The following CPLANE1 variants were observed in gnomAD, a reference collection of about 807,000 sequenced individuals.
The protein encoded by CPLANE1 is ciliogenesis and planar polarity effector 1.
Under a neutral mutation model 362.5 loss-of-function variants are expected in CPLANE1, and 263 were observed. The ratio of observed to expected loss-of-function variants is 0.73; its 90% CI spans 0.66 to 0.80. CPLANE1 has a LOEUF of 0.80. CPLANE1 is among the 30% of genes least tolerant of loss of function. The pLI is 0.00. For missense variants in CPLANE1, 3,461 were observed against 3,793.4 expected, an observed-to-expected ratio of 0.91 and a Z score of 2.30; for synonymous variants, 1,212 against 1,302.6, an observed-to-expected ratio of 0.93 and a Z score of 1.50.
At chr5:37,100,264 C>T in the CPLANE1 span, among the ~76,000 whole-genome samples, 1 of 152,090 alleles carries the variant, frequency 6.6e-6, no homozygotes, top group South Asian at 2.1e-4. Flanking sequence ...AATCTTTAAT[C>T]CATCTTGAGT....
chr5:37,192,529 G>A (rs1785833252), intron 21 of CPLANE1, among the ~76,000 whole-genome samples: 1 of 152,032 alleles, frequency 6.6e-6, no homozygotes, highest in Admixed American at 6.6e-5. Context: ...AAGATTTATT[G>A]TAAATTTTGT....
chr5:37,158,083 A>AT (rs1488356767), intron 39 of CPLANE1, 141 bp downstream of exon 39: 4 of 1,013,434 alleles, frequency 3.9e-6, no homozygotes, highest in Non-Finnish European at 5.7e-6. Context: ...TAATGCTTAA[A>AT]TTAATTTTTG....
intron 16 of CPLANE1, chr5:37,210,998 A>AT: frequency 1.3e-6 from 1 of 792,178 alleles, no homozygotes. Context: ...TAAAATCGCA[A>AT]TTGAAGCAAA....
intron 8 of CPLANE1, among the ~76,000 whole-genome samples, chr5:37,236,597 T>C (rs937865939): frequency 5.3e-5 from 8 of 151,828 alleles, no homozygotes; most frequent in African/African-American, 1.9e-4. Flanking sequence ...AAAAAGCTTC[T>C]GCACAGCAAA....
At chr5:37,109,452 A>G (rs1758484362) in intron 51 of CPLANE1, among the ~76,000 whole-genome samples, 2 of 152,126 alleles carry the variant, frequency 1.3e-5, no homozygotes, top group Non-Finnish European at 2.9e-5. Flanking sequence ...AGCTAACTTC[A>G]TTTAGTTCCA....
At chr5:37,116,547 A>G (rs1365170150) in intron 50 of CPLANE1, among the ~76,000 whole-genome samples, 5 of 139,242 alleles carry the variant, frequency 3.6e-5, no homozygotes, top group Non-Finnish European at 1.5e-5. Flanking sequence ...TGAGCCAGGG[A>G]GGTCAAGGTT....
rs749048705 is a variant in CPLANE1 at position 37,173,750 on chromosome 5, C to T, written c.6171+5G>A. 4 of 1,610,360 alleles carry T rather than the reference C, an allele frequency of 2.5e-6. No individual in the cohort carries two copies. The African/African-American group carries it at 5.4e-5, about 22-fold the overall frequency. ...ATTTACTTACTTATATAGAGATGTG[C>T]TTACCTGAACTAATTTAAACATTTC... On this transcript the variant is annotated splice_donor_5th_base_variant and intron_variant, in intron 32 of 52. Coordinates refer to ENST00000651892, the MANE Select transcript of CPLANE1 (RefSeq NM_001384732.1).
intron 16 of CPLANE1, chr5:37,211,965 A>C (rs61729480): frequency 0.033 from 29,529 of 881,824 alleles, 636 homozygotes; most frequent in Non-Finnish European, 0.039. Context: ...TCAGCACCCA[A>C]GTGTAGATCA....
intron 42 of CPLANE1, among the ~76,000 whole-genome samples, chr5:37,151,100 T>A (rs530183621): frequency 6.6e-6 from 1 of 152,324 alleles, no homozygotes; most frequent in South Asian, 2.1e-4. Flanking sequence ...TGGTAAATGC[T>A]TTCTGTTCCT....
intron 18 of CPLANE1, among the ~76,000 whole-genome samples, chr5:37,203,971 CTTACT>C (rs1165555975): frequency 1.3e-5 from 2 of 152,188 alleles, no homozygotes; most frequent in African/African-American, 4.8e-5. Context: ...GGCAATTCCC[CTTACT>C]TTATTTAAAG....
At position 37,148,242 on chromosome 5, in the gene CPLANE1, G is replaced by T. The variant is rs1455795556; in HGVS notation, c.8400C>A (p.Phe2800Leu). 1.2e-6 allele frequency: 2 copies of T among 1,611,642 alleles called. No individual in the cohort carries two copies. The highest frequency in any genetic ancestry group is 1.1e-5 in the South Asian group (1 of 90,542). Residue 2800 changes from phenylalanine to leucine, a missense_variant, in exon 43 of 53, where the codon TTC becomes TTA. Physicochemically the swap from Phe to Leu is conservative, Grantham distance 22. This residue lies in a region of CPLANE1 where 3,380 missense variants were observed against 3,666.1 expected (regional missense o/e 0.92). Coordinates refer to ENST00000651892, the MANE Select transcript of CPLANE1 (RefSeq NM_001384732.1). Reference sequence around the variant, plus strand: ...TTTTTTTGAATTCAGGGCCAGAAGAGAATTCAATGTGATCCACTGGTCCAA... The same window carrying T: ...TTTTTTTGAATTCAGGGCCAGAAGATAATTCAATGTGATCCACTGGTCCAA... Reference protein sequence around the residue: ...DKIGPVDHIEFSSGPEFKKTL... With the variant: ...DKIGPVDHIELSSGPEFKKTL...
intron 8 of CPLANE1, among the ~76,000 whole-genome samples, chr5:37,236,863 C>T (rs571603704): frequency 6.8e-4 from 103 of 151,808 alleles, no homozygotes; most frequent in African/African-American, 1.9e-3. Context: ...AAAACCACAA[C>T]GAGATAACAT....
At chr5:37,191,200 A>G (rs1161142589) in intron 21 of CPLANE1, among the ~76,000 whole-genome samples, 1 of 152,098 alleles carries the variant, frequency 6.6e-6, no homozygotes, top group Non-Finnish European at 1.5e-5. Context: ...TAAAAAAAAA[A>G]GTTTAAACAG....
Position 37,227,329 on chromosome 5 carries a change from G to A in CPLANE1, c.1435C>T (p.Gln479Ter). 6.4e-7 allele frequency: 1 copy of A among 1,551,970 alleles called. No individual in the cohort carries two copies. The highest frequency in any genetic ancestry group is 8.7e-7 in the Non-Finnish European group (1 of 1,146,998). Residue 479 changes from glutamine to a stop codon, truncating the protein, a stop_gained, in exon 11 of 53, where the codon CAA becomes TAA. Transcript: ENST00000651892. LOFTEE classifies it high-confidence loss of function. Reference sequence around the variant, plus strand: ...AAATCGGCTGAACTTTCATTTCCTTGGTGTTCTAACAGGCTAGACCTTAGG... The same window carrying A: ...AAATCGGCTGAACTTTCATTTCCTTAGTGTTCTAACAGGCTAGACCTTAGG... The part of the protein sequence containing the change: ...NSLRSSLLEH[Q>*]GNESSADFTV...
chr5:37,177,742 A>C, intron 29 of CPLANE1, 42 bp from the exon 30 acceptor site: 1 of 1,438,550 alleles, frequency 7.0e-7, no homozygotes, highest in Non-Finnish European at 9.8e-7. Context: ...CAGGTAAAAC[A>C]AATAGGTATT....
At chr5:37,128,063 G>A (rs1764728117) in intron 46 of CPLANE1, among the ~76,000 whole-genome samples, 1 of 152,024 alleles carries the variant, frequency 6.6e-6, no homozygotes, top group Non-Finnish European at 1.5e-5. Context: ...ACAAACAAAA[G>A]ATATATTATG....
chr5:37,187,334 C>T (rs796124709), intron 23 of CPLANE1, 80 bp downstream of exon 23: 15 of 1,189,458 alleles, frequency 1.3e-5, no homozygotes, highest in African/African-American at 1.3e-4. Context: ...AAGGCAACAT[C>T]ATCCTTAATT....
At chr5:37,094,172 G>T in the CPLANE1 span, among the ~76,000 whole-genome samples, 3 of 152,172 alleles carry the variant, frequency 2.0e-5, no homozygotes, top group Non-Finnish European at 4.4e-5. Flanking sequence ...GTCTGTAAGT[G>T]GCCCGGACCC....
chr5:37,136,028 C>A (rs1767607365), intron 46 of CPLANE1, among the ~76,000 whole-genome samples: 1 of 152,136 alleles, frequency 6.6e-6, no homozygotes, highest in South Asian at 2.1e-4. Flanking sequence ...CTTTCCAAAT[C>A]TCATGTCCTC....
Sources: allele counts gnomAD v4.1 joint callset (sites outside exome capture counted in the v4.1 genomes callset), GRCh38; gene constraint gnomAD v4.1.1; regional missense constraint gnomAD v4.1.1; transcripts MANE v1.5; gene names NCBI Gene and HGNC (gene_info 2026-07-23, HGNC 2026-07-21).